Variants in MSRA observed in about 807,000 individuals in gnomAD.
MSRA encodes the protein methionine sulfoxide reductase A.
A neutral mutation model predicts 31.3 loss-of-function variants in MSRA; 54 were observed. The ratio of observed to expected loss-of-function variants is 1.73; its 90% confidence interval spans 1.39 to 2.17. MSRA has a LOEUF of 2.17. MSRA is among the 30% of genes most tolerant of loss of function. MSRA has a pLI of 0.00. For missense variants in MSRA, 507 were observed against 300.9 expected, an observed-to-expected ratio of 1.69 and a Z score of -5.07; for synonymous variants, 169 against 116.5, an observed-to-expected ratio of 1.45 and a Z score of -2.90.
chr8:10,081,754 T>A (rs1798304818), intron 1 of MSRA, among the ~76,000 whole-genome samples: 1 of 151,950 alleles, frequency 6.6e-6, no homozygotes, highest in East Asian at 1.9e-4. Context: ...CCTCCCAAAG[T>A]CCCGGGAGAT....
intron 1 of MSRA, among the ~76,000 whole-genome samples, chr8:10,077,658 CT>C (rs1164159566): frequency 2.6e-5 from 4 of 151,934 alleles, no homozygotes; most frequent in Admixed American, 1.3e-4. Context: ...CTTTTCTGCT[CT>C]TTTTCCTCTC....
At position 10,353,565 on chromosome 8, in the gene MSRA, A is replaced by G. The variant is rs1804327491; in HGVS notation, c.543+33576A>G. On this transcript the variant is annotated intron_variant, in intron 5 of 5. Coordinates refer to ENST00000317173, the MANE Select transcript of MSRA (RefSeq NM_012331.5). ...CCTGACGTTTCTGTAACGAGATGCA[A>G]TTTTCTGGGTAGCCTCTGTACCGTC... 6.6e-6 allele frequency: 3 copies of G among 455,376 alleles called. No homozygotes were observed. The Admixed American group carries it at 7.1e-5, about 11-fold the overall frequency. 28.2% of individuals were successfully genotyped at this position (455,376 alleles called of 1,614,324 possible).
At chr8:10,324,380 C>T (rs1001206114) in intron 5 of MSRA, among the ~76,000 whole-genome samples, 1 of 152,174 alleles carries the variant, frequency 6.6e-6, no homozygotes, top group African/African-American at 2.4e-5. Context: ...CAGTCTGGAT[C>T]CCTGGCCCTC....
intron 5 of MSRA, chr8:10,353,505 C>A: frequency 2.4e-6 from 1 of 416,980 alleles, no homozygotes; most frequent in Admixed American, 2.6e-5. Context: ...GCCCGTGTAT[C>A]TGTGTTAGCA....
At chr8:10,346,138 C>T (rs1038959284) in intron 5 of MSRA, among the ~76,000 whole-genome samples, 3 of 152,218 alleles carry the variant, frequency 2.0e-5, no homozygotes, top group African/African-American at 4.8e-5. Flanking sequence ...CAGGCCATCC[C>T]TGGCCCTCTT....
intron 3 of MSRA, among the ~76,000 whole-genome samples, chr8:10,278,315 G>A (rs1799433377): frequency 1.3e-5 from 2 of 152,152 alleles, no homozygotes; most frequent in Admixed American, 1.3e-4. Flanking sequence ...TCTTGACCTG[G>A]TTCTGTCACT....
intron 5 of MSRA, among the ~76,000 whole-genome samples, chr8:10,420,471 C>G (rs1441196477): frequency 6.6e-6 from 1 of 152,100 alleles, no homozygotes. Context: ...ACAACAAATA[C>G]GTCTTATTTC....
At chr8:10,057,327 A>G (rs1345053300) in intron 1 of MSRA, among the ~76,000 whole-genome samples, 1 of 152,184 alleles carries the variant, frequency 6.6e-6, no homozygotes, top group African/African-American at 2.4e-5. Flanking sequence ...CTGACCACCA[A>G]GCAATACTCT....
chr8:10,272,938 T>C (rs1443139524), intron 3 of MSRA, among the ~76,000 whole-genome samples: 1 of 152,204 alleles, frequency 6.6e-6, no homozygotes, highest in Admixed American at 6.5e-5. Flanking sequence ...TTAGAAGGTA[T>C]CATGTTTTAA....
chr8:10,271,118 T>C (rs936775558), intron 3 of MSRA, among the ~76,000 whole-genome samples: 2 of 151,950 alleles, frequency 1.3e-5, no homozygotes, highest in South Asian at 4.1e-4. Flanking sequence ...TTTATATGAA[T>C]AATTTTTAAG....
intron 2 of MSRA, among the ~76,000 whole-genome samples, chr8:10,233,435 A>C (rs563772864): frequency 6.6e-6 from 1 of 152,386 alleles, no homozygotes; most frequent in South Asian, 2.1e-4. Context: ...AAGCATTTTA[A>C]AATGTGTGTT....
In MSRA at chr8:10,185,861, C is replaced by T. The variant is rs117167470; in HGVS notation, c.143-21972C>T. Among the ~76,000 whole-genome samples, 98 of 151,996 alleles carry T rather than the reference C, an allele frequency of 6.4e-4. 1 individual carries two copies. In the East Asian group the frequency reaches 0.016, roughly 25 times the overall value. ...TGTGAATCACCCCTTATGATTCTCACAACAGCTCCATAAGATAGGGGTAAT... is the reference window on the plus strand; with the variant it reads ...TGTGAATCACCCCTTATGATTCTCATAACAGCTCCATAAGATAGGGGTAAT... On this transcript the variant is annotated intron_variant, in intron 1 of 5. Transcript: ENST00000317173.
intron 5 of MSRA, among the ~76,000 whole-genome samples, chr8:10,385,242 G>A (rs1806314085): frequency 1.3e-5 from 2 of 152,198 alleles, no homozygotes; most frequent in African/African-American, 4.8e-5. Context: ...CAGACCACCT[G>A]GGGGATGGCA....
chr8:10,420,154 G>A (rs1808723289), intron 5 of MSRA, among the ~76,000 whole-genome samples: 1 of 152,172 alleles, frequency 6.6e-6, no homozygotes. Context: ...GAAGCTTGAA[G>A]ACATTAAGTG....
At chr8:10,167,893 C>A (rs1805278380) in intron 1 of MSRA, among the ~76,000 whole-genome samples, 2 of 152,150 alleles carry the variant, frequency 1.3e-5, no homozygotes, top group African/African-American at 2.4e-5. Flanking sequence ...CCCTAGAAGG[C>A]CCTATACCCT....
At chr8:10,111,158 A>G (rs1429968454) in intron 1 of MSRA, among the ~76,000 whole-genome samples, 1 of 152,160 alleles carries the variant, frequency 6.6e-6, no homozygotes, top group Non-Finnish European at 1.5e-5. Flanking sequence ...AACTTTGATC[A>G]TTTGGACCTG....
intron 5 of MSRA, among the ~76,000 whole-genome samples, chr8:10,369,496 C>A (rs1411109049): frequency 6.6e-6 from 1 of 152,204 alleles, no homozygotes; most frequent in African/African-American, 2.4e-5. Context: ...CTGACTGTCA[C>A]ACCCAGTGAA....
At chr8:10,396,042 C>A (rs1221712408) in intron 5 of MSRA, among the ~76,000 whole-genome samples, 1 of 152,148 alleles carries the variant, frequency 6.6e-6, no homozygotes, top group African/African-American at 2.4e-5. Flanking sequence ...TAAGGCAGCT[C>A]CCTCCCTTCT....
intron 1 of MSRA, among the ~76,000 whole-genome samples, chr8:10,088,829 C>A (rs376522629): frequency 2.6e-4 from 40 of 152,192 alleles, no homozygotes; most frequent in African/African-American, 9.2e-4. Context: ...TTGCCATTTG[C>A]CACAGCACGG....
Sources: gnomAD v4.1 joint callset for allele counts (sites outside exome capture counted in the v4.1 genomes callset) on GRCh38, gnomAD v4.1.1 for gene constraint, MANE v1.5 for transcripts, NCBI Gene and HGNC (gene_info 2026-07-23, HGNC 2026-07-21) for gene names.